The following RGS7 variants were observed in gnomAD, a reference collection of about 807,000 sequenced individuals.
The protein encoded by RGS7 is regulator of G protein signaling 7.
In RGS7, 27 loss-of-function variants were observed where a neutral mutation model predicts 81.1. The ratio of observed to expected loss-of-function variants is 0.33; its 90% confidence interval spans 0.25 to 0.46. The LOEUF is 0.46. Ranked by LOEUF, RGS7 falls within the 20% of genes least tolerant of loss-of-function variation. The pLI is 1.00. For missense variants in RGS7, 396 were observed against 607.4 expected, an observed-to-expected ratio of 0.65 and a Z score of 3.66; for synonymous variants, 208 against 207.7, an observed-to-expected ratio of 1.00 and a Z score of -0.01.
chr1:241,244,249 AC>A (rs2076408821), intron 2 of RGS7, among the ~76,000 whole-genome samples: 1 of 152,194 alleles, frequency 6.6e-6, no homozygotes, highest in South Asian at 2.1e-4. Context: ...ATGAACTCAA[AC>A]AAATTTACAA....
intron 3 of RGS7, among the ~76,000 whole-genome samples, chr1:241,045,295 C>T (rs369646117): frequency 6.6e-5 from 10 of 152,166 alleles, no homozygotes; most frequent in African/African-American, 2.2e-4. Flanking sequence ...CTTTGGCTAC[C>T]TTCTCTTTTG....
At chr1:240,935,531 T>C (rs1324401023) in intron 5 of RGS7, among the ~76,000 whole-genome samples, 1 of 152,216 alleles carries the variant, frequency 6.6e-6, no homozygotes, top group Admixed American at 6.5e-5. Context: ...TACAGCTTTA[T>C]TTCCTCCTAG....
At chr1:241,059,592 C>A (rs2061643319) in intron 3 of RGS7, among the ~76,000 whole-genome samples, 2 of 152,072 alleles carry the variant, frequency 1.3e-5, no homozygotes, top group Admixed American at 6.6e-5. Flanking sequence ...ATGAGTGATA[C>A]ATGAACTATA....
chr1:240,934,208 C>A lies in RGS7; in HGVS notation c.333+2392G>T, dbSNP rs960755342. Among the ~76,000 whole-genome samples the A allele has an allele frequency of 7.9e-5, 12 of 152,206 alleles. 1 individual carries two copies. In the South Asian group the frequency reaches 2.5e-3, roughly 31 times the overall value. On this transcript the variant is annotated intron_variant, in intron 5 of 18. Transcript: ENST00000440928. ...CAATCTCGACCTCATGATCTGCCCA[C>A]CTCTGCCTCTCAAAGTGCTGGGATC...
chr1:241,109,426 A>T (rs1050047772), intron 2 of RGS7, among the ~76,000 whole-genome samples: 1 of 151,782 alleles, frequency 6.6e-6, no homozygotes, highest in Non-Finnish European at 1.5e-5. Context: ...TTTAGTTTAA[A>T]TTTTTTTTAC....
intron 2 of RGS7, among the ~76,000 whole-genome samples, chr1:241,332,525 G>C (rs549550728): frequency 2.0e-5 from 3 of 152,300 alleles, no homozygotes; most frequent in South Asian, 4.1e-4. Context: ...AAGTCATAGA[G>C]AGGGAGAAAA....
chr1:241,039,293 G>A (rs1158773953), intron 3 of RGS7, among the ~76,000 whole-genome samples: 1 of 152,200 alleles, frequency 6.6e-6, no homozygotes, highest in African/African-American at 2.4e-5. Context: ...CTGGGCATGA[G>A]GTGTGGGTTG....
intron 3 of RGS7, among the ~76,000 whole-genome samples, chr1:241,046,955 C>G (rs4660027): frequency 0.34 from 51,759 of 151,874 alleles, 9,566 homozygotes; most frequent in African/African-American, 0.47. Context: ...TAGAGTGAAG[C>G]GAAATGCCAG....
chr1:241,130,366 C>A (rs1481913623), intron 2 of RGS7, among the ~76,000 whole-genome samples: 1 of 151,320 alleles, frequency 6.6e-6, no homozygotes, highest in Non-Finnish European at 1.5e-5. Context: ...ACACTAGGCT[C>A]TGAACCAATG....
At chr1:241,026,042 A>G (rs1482065513) in intron 3 of RGS7, among the ~76,000 whole-genome samples, 2 of 152,234 alleles carry the variant, frequency 1.3e-5, no homozygotes, top group African/African-American at 4.8e-5. Flanking sequence ...TCTCTTTAAT[A>G]TATTGTTTAA....
chr1:241,149,856 A>G (rs1010713068), intron 2 of RGS7, among the ~76,000 whole-genome samples: 1 of 151,924 alleles, frequency 6.6e-6, no homozygotes, highest in Admixed American at 6.6e-5. Flanking sequence ...GCTCACTGCA[A>G]CCTCCACCTC....
chr1:240,904,604 C>T (rs1231421619), intron 6 of RGS7, among the ~76,000 whole-genome samples: 1 of 152,088 alleles, frequency 6.6e-6, no homozygotes, highest in East Asian at 1.9e-4. Context: ...TTTTAGAAAA[C>T]CTGCTTTAAA....
intron 3 of RGS7, among the ~76,000 whole-genome samples, chr1:241,035,305 A>G (rs956191587): frequency 6.6e-6 from 1 of 152,168 alleles, no homozygotes; most frequent in African/African-American, 2.4e-5. Flanking sequence ...TTGTTAAAAT[A>G]TGGAAGAATG....
chr1:241,239,986 G>A (rs1110128), intron 2 of RGS7, among the ~76,000 whole-genome samples: 18,870 of 152,086 alleles, frequency 0.12, 1,320 homozygotes, highest in Middle Eastern at 0.18. Context: ...TGGATTATAC[G>A]CAGGGACCCC....
intron 3 of RGS7, among the ~76,000 whole-genome samples, chr1:240,991,345 T>C (rs1292209442): frequency 6.6e-6 from 1 of 152,134 alleles, no homozygotes; most frequent in African/African-American, 2.4e-5. Flanking sequence ...GCAGCAAAGA[T>C]GACAATAATG....
At chr1:240,991,721 T>A (rs139833557) in intron 3 of RGS7, among the ~76,000 whole-genome samples, 57 of 152,334 alleles carry the variant, frequency 3.7e-4, no homozygotes, top group African/African-American at 1.2e-3. Context: ...AAACAAGTAA[T>A]AAGTGTGTAA....
chr1:241,071,885 A>AAAAAAAAAAAAC (rs2062483289), intron 3 of RGS7, among the ~76,000 whole-genome samples: 1 of 149,304 alleles, frequency 6.7e-6, no homozygotes, highest in Non-Finnish European at 1.5e-5. Flanking sequence ...AAAAAAAAAA[A>AAAAAAAAAAAAC]AAAAAAAAAA....
chr1:240,944,270 GTGTGTGTGTGTGTATATATATATATATA>G (rs1678120147), intron 4 of RGS7, among the ~76,000 whole-genome samples: 1 of 12,202 alleles, frequency 8.2e-5, no homozygotes, highest in African/African-American at 1.8e-4. Flanking sequence ...ATGTGTGTGT[GTGTGTGTGTGTGTATATATATATATATA>G]TATATATATA....
intron 6 of RGS7, among the ~76,000 whole-genome samples, chr1:240,895,972 T>A (rs2148170531): frequency 6.6e-6 from 1 of 152,350 alleles, no homozygotes; most frequent in African/African-American, 2.4e-5. Flanking sequence ...TTCTTAATGA[T>A]CGCCATTCTA....
Sources: allele counts gnomAD v4.1 joint callset (sites outside exome capture counted in the v4.1 genomes callset), GRCh38; gene constraint gnomAD v4.1.1; transcripts MANE v1.5; gene names NCBI Gene and HGNC (gene_info 2026-07-23, HGNC 2026-07-21).